Variants in CAAP1 observed in about 807,000 individuals in gnomAD.
CAAP1 encodes conserved anti-apoptotic protein.
CAAP1 carries 20 observed loss-of-function variants against 34.0 expected under a neutral mutation model. The observed-to-expected ratio is 0.59, with a 90% CI of 0.41 to 0.86. The LOEUF is 0.86. CAAP1 is among the 40% of genes least tolerant of loss of function. CAAP1 has a pLI of 0.00. For missense variants in CAAP1, 538 were observed against 450.5 expected (o/e 1.19, Z -1.76); for synonymous variants, 213 against 166.7 (o/e 1.28, Z -2.14).
At chr9:26,844,093 C>A (rs1822539664) in intron 5 of CAAP1, among the ~76,000 whole-genome samples, 1 of 152,198 alleles carries the variant, frequency 6.6e-6, no homozygotes, top group East Asian at 1.9e-4. Flanking sequence ...TGCAGTGGCT[C>A]ATGCCTGTAA....
chr9:26,884,895 G>C lies in CAAP1; in HGVS notation c.590-10C>G, dbSNP rs1000117647. ...TCCATTCCATTGTCACCTTATAAATGAAAGAAACTATTGAAAGCACACTTA... is the reference window on the plus strand; with the variant it reads ...TCCATTCCATTGTCACCTTATAAATCAAAGAAACTATTGAAAGCACACTTA... On this transcript the variant is annotated splice_polypyrimidine_tract_variant and intron_variant, in intron 3 of 5. Transcript: ENST00000333916. 1 of 1,579,598 alleles carries C rather than the reference G, an allele frequency of 6.3e-7. No homozygotes were observed. Among genetic ancestry groups the C allele is most frequent in the Non-Finnish European group, 8.7e-7 (1 of 1,155,742 alleles).
At chr9:26,845,514 T>C (rs780831467) in intron 5 of CAAP1, among the ~76,000 whole-genome samples, 3 of 152,116 alleles carry the variant, frequency 2.0e-5, no homozygotes, top group Non-Finnish European at 4.4e-5. Context: ...TAGCTGGGAT[T>C]ACAAGCACGT....
chr9:26,864,041 G>C lies in CAAP1; in HGVS notation c.666-2902C>G, dbSNP rs78934451. Among the ~76,000 whole-genome samples the C allele has an allele frequency of 3.0e-3, 462 of 152,164 alleles. 4 individuals are homozygous for C. Among genetic ancestry groups the C allele is most frequent in the East Asian group, 0.028 (146 of 5,158 alleles). On this transcript the variant is annotated intron_variant, in intron 4 of 5. Transcript: ENST00000333916. ...GGCCTCCCAAAGTGCTGAGATTACA[G>C]GTATGAGCCACCTCACCCAGCTCTG...
At position 26,841,568 on chromosome 9, in the gene CAAP1, A is replaced by G. The variant is rs1362072430; in HGVS notation, c.*733T>C. 6.6e-6 allele frequency: 1 copy of G among 152,620 alleles called. No individual in the cohort carries two copies. The highest frequency in any genetic ancestry group is 6.5e-5 in the Admixed American group (1 of 15,274). 9.5% of individuals were successfully genotyped at this position (152,620 alleles called of 1,614,324 possible). ...TACATCAGATAAAATCCTAGATAAT[A>G]AAATATTCTTCATTTCCTGACAGCT... On this transcript the variant is annotated 3_prime_UTR_variant, in exon 6 of 6. Coordinates refer to ENST00000333916, the MANE Select transcript of CAAP1 (RefSeq NM_024828.4).
At chr9:26,846,477 A>ATCTATGGTG (rs1314393098) in intron 5 of CAAP1, among the ~76,000 whole-genome samples, 1 of 150,448 alleles carries the variant, frequency 6.6e-6, no homozygotes, top group East Asian at 2.0e-4. Context: ...ACTTACACTT[A>ATCTATGGTG]TCTATGGTGT....
At chr9:26,851,439 T>TA (rs1263952711) in intron 5 of CAAP1, among the ~76,000 whole-genome samples, 1 of 151,876 alleles carries the variant, frequency 6.6e-6, no homozygotes, top group Admixed American at 6.6e-5. Flanking sequence ...TGAGAATATA[T>TA]AAAAAAAGGC....
In CAAP1 at chr9:26,887,343, C is replaced by G. The variant is rs746444420; in HGVS notation, c.474G>C (p.Lys158Asn). ...QQCFCIIGEKKLQKMLPDVLK... is the reference protein window; with the variant it reads ...QQCFCIIGEKNLQKMLPDVLK... Reference sequence around the variant, plus strand: ...ACACATCAGGAAGCATCTTCTGTAACTTTTTCTCTCCTATAATACAGAAGC... The same window carrying G: ...ACACATCAGGAAGCATCTTCTGTAAGTTTTTCTCTCCTATAATACAGAAGC... Residue 158 changes from lysine (K) to asparagine (N), a missense_variant, in exon 2 of 6, where the codon AAG becomes AAC. Physicochemically the swap from Lys to Asn is moderately conservative, Grantham distance 94 (BLOSUM62 0). This residue lies in a region of CAAP1 where 514 missense variants were observed against 408.4 expected (regional missense o/e 1.26). Coordinates refer to ENST00000333916, the MANE Select transcript of CAAP1 (RefSeq NM_024828.4). The G allele has an allele frequency of 1.2e-6, 2 of 1,605,734 alleles. No homozygotes were observed. The highest frequency in any genetic ancestry group is 4.5e-5 in the East Asian group (2 of 44,830).
At chr9:26,884,542 G>A (rs1219296850) in intron 4 of CAAP1, among the ~76,000 whole-genome samples, 2 of 152,116 alleles carry the variant, frequency 1.3e-5, no homozygotes, top group East Asian at 1.9e-4. Context: ...AAATCCAAAT[G>A]GGAGTGATTC....
At chr9:26,849,538 T>A (rs1822692888) in intron 5 of CAAP1, among the ~76,000 whole-genome samples, 3 of 152,226 alleles carry the variant, frequency 2.0e-5, no homozygotes, top group Admixed American at 2.0e-4. Flanking sequence ...TTATTATGTC[T>A]CTAGTTAACA....
chr9:26,846,157 G>A (rs534851932), intron 5 of CAAP1, among the ~76,000 whole-genome samples: 15 of 152,126 alleles, frequency 9.9e-5, no homozygotes, highest in Admixed American at 5.2e-4. Flanking sequence ...GGTGGCTCAC[G>A]CCTGGAATCC....
At chr9:26,844,432 T>G (rs968896319) in intron 5 of CAAP1, among the ~76,000 whole-genome samples, 2 of 152,238 alleles carry the variant, frequency 1.3e-5, no homozygotes, top group African/African-American at 2.4e-5. Flanking sequence ...AGGCTTTACC[T>G]AAAATTTAAA....
chr9:26,845,330 A>T (rs1179280685), intron 5 of CAAP1, among the ~76,000 whole-genome samples: 2 of 152,164 alleles, frequency 1.3e-5, no homozygotes, highest in African/African-American at 2.4e-5. Context: ...TTTATTGCAC[A>T]TTTAAAAATA....
intron 4 of CAAP1, chr9:26,880,318 C>A: frequency 3.1e-6 from 1 of 327,014 alleles, no homozygotes; most frequent in South Asian, 2.4e-5. Context: ...GATTTGAAGT[C>A]CTGAGCAATT....
intron 4 of CAAP1, chr9:26,869,996 T>C: frequency 4.2e-6 from 4 of 947,510 alleles, no homozygotes; most frequent in Non-Finnish European, 5.0e-6. Context: ...AAAATGACAA[T>C]AGATACAGTT....
At chr9:26,856,931 T>C (rs185496511) in intron 5 of CAAP1, among the ~76,000 whole-genome samples, 93 of 152,226 alleles carry the variant, frequency 6.1e-4, no homozygotes, top group African/African-American at 2.0e-3. Context: ...CAAAGGAAAA[T>C]AGTTCACAAA....
At chr9:26,844,561 A>C (rs1030502339) in intron 5 of CAAP1, among the ~76,000 whole-genome samples, 1 of 151,968 alleles carries the variant, frequency 6.6e-6, no homozygotes, top group Non-Finnish European at 1.5e-5. Flanking sequence ...ATAATGAATG[A>C]AGAGCTGAAT....
rs1213831596 is a variant in CAAP1, at chr9:26,841,102, A to G, written c.*1199T>C. ...CTCTATTTCCATTTAAAAACTCTCTAAAATTAACATAATTAAAGCAGCTAA... is the reference window on the plus strand; with the variant it reads ...CTCTATTTCCATTTAAAAACTCTCTGAAATTAACATAATTAAAGCAGCTAA... On this transcript the variant is annotated 3_prime_UTR_variant, in exon 6 of 6. Coordinates refer to ENST00000333916, the MANE Select transcript of CAAP1 (RefSeq NM_024828.4). 6.6e-6 allele frequency: 1 copy of G among 152,184 alleles called. No individual in the cohort carries two copies. The highest frequency in any genetic ancestry group is 1.5e-5 in the Non-Finnish European group (1 of 68,000). The allele number at this position is 152,184 out of a possible 1,614,324, so 9.4% of individuals were successfully genotyped here. A position where few individuals can be genotyped will look rare whatever the true frequency, so the allele number is the denominator to read the frequency against.
At chr9:26,845,665 C>A (rs371719697) in intron 5 of CAAP1, among the ~76,000 whole-genome samples, 1 of 152,128 alleles carries the variant, frequency 6.6e-6, no homozygotes, top group African/African-American at 2.4e-5. Flanking sequence ...TGAGCCACCA[C>A]GCCTGGCCGA....
At chr9:26,857,877 CA>C (rs74414103) in intron 5 of CAAP1, among the ~76,000 whole-genome samples, 1 of 151,918 alleles carries the variant, frequency 6.6e-6, no homozygotes, top group African/African-American at 2.4e-5. Flanking sequence ...CAGTACTAGA[CA>C]AAAAAATGCC....
Sources: allele counts gnomAD v4.1 joint callset (sites outside exome capture counted in the v4.1 genomes callset), GRCh38; gene constraint gnomAD v4.1.1; regional missense constraint gnomAD v4.1.1; transcripts MANE v1.5; gene names NCBI Gene and HGNC (gene_info 2026-07-23, HGNC 2026-07-21).